Variants in STX8 observed in about 807,000 individuals in gnomAD.
STX8 encodes syntaxin-8.
In STX8, 23 loss-of-function variants were observed where a neutral mutation model predicts 37.5. The ratio of observed to expected loss-of-function variants is 0.61; its 90% CI spans 0.44 to 0.87. The LOEUF (loss-of-function observed/expected upper bound fraction) is 0.87. STX8 is among the 40% of genes least tolerant of loss of function. The pLI is 0.00. For missense variants in STX8, 313 were observed against 284.7 expected (o/e 1.10, Z -0.71); for synonymous variants, 115 against 99.1 (o/e 1.16, Z -0.95).
chr17:9,367,384 A>G (rs7209588), intron 7 of STX8, among the ~76,000 whole-genome samples: 82,236 of 151,546 alleles, frequency 0.54, 23,194 homozygotes, highest in African/African-American at 0.7. Context: ...TCCAGATCAC[A>G]ACCTTCTTGC....
intron 4 of STX8, among the ~76,000 whole-genome samples, chr17:9,534,303 A>T (rs938856454): frequency 1.3e-5 from 2 of 152,104 alleles, no homozygotes; most frequent in Non-Finnish European, 2.9e-5. Context: ...TGTGAAGAAG[A>T]CGTTACTGAA....
intron 7 of STX8, among the ~76,000 whole-genome samples, chr17:9,357,184 T>C (rs1337640460): frequency 1.3e-5 from 2 of 151,472 alleles, no homozygotes; most frequent in Non-Finnish European, 2.9e-5. Flanking sequence ...AGGCTGGCGG[T>C]CTCAAACTCC....
chr17:9,411,598 CTA>C (rs1438603554), intron 6 of STX8, among the ~76,000 whole-genome samples: 1 of 152,164 alleles, frequency 6.6e-6, no homozygotes, highest in East Asian at 1.9e-4. Context: ...CGGAAAATTC[CTA>C]TGTTACATAG....
intron 7 of STX8, among the ~76,000 whole-genome samples, chr17:9,280,936 T>A (rs777166687): frequency 4.6e-5 from 7 of 152,132 alleles, no homozygotes; most frequent in Non-Finnish European, 8.8e-5. Context: ...ATTACAAAGA[T>A]GTTGGATGCA....
intron 2 of STX8, among the ~76,000 whole-genome samples, chr17:9,564,842 T>C (rs1390048165): frequency 6.6e-6 from 1 of 152,150 alleles, no homozygotes; most frequent in Non-Finnish European, 1.5e-5. Context: ...TTCACAGAAC[T>C]AGAAAAAAGT....
At chr17:9,516,398 C>T (rs554676849) in intron 4 of STX8, among the ~76,000 whole-genome samples, 2 of 140,536 alleles carry the variant, frequency 1.4e-5, no homozygotes, top group Non-Finnish European at 3.0e-5. Flanking sequence ...AATATGGGCA[C>T]AATTTAATAC....
intron 4 of STX8, among the ~76,000 whole-genome samples, chr17:9,524,561 T>C (rs1183864400): frequency 6.6e-6 from 1 of 152,134 alleles, no homozygotes; most frequent in Admixed American, 6.5e-5. Flanking sequence ...GGTTCTAACA[T>C]ATGAATCTTG....
chr17:9,362,188 G>A (rs1019121692), intron 7 of STX8, among the ~76,000 whole-genome samples: 5 of 152,004 alleles, frequency 3.3e-5, no homozygotes, highest in East Asian at 2.0e-4. Context: ...AAAATTAGCC[G>A]GGGTGTTGGC....
chr17:9,364,207 G>A (rs1421666497), intron 7 of STX8, among the ~76,000 whole-genome samples: 1 of 152,182 alleles, frequency 6.6e-6, no homozygotes, highest in African/African-American at 2.4e-5. Flanking sequence ...AGGTCAGCGA[G>A]TCATACATTT....
At chr17:9,293,417 C>T (rs1004175809) in intron 7 of STX8, among the ~76,000 whole-genome samples, 1 of 152,020 alleles carries the variant, frequency 6.6e-6, no homozygotes, top group African/African-American at 2.4e-5. Context: ...GAAGTCATCC[C>T]CTACCTGTAA....
chr17:9,363,356 T>C (rs1487829660), intron 7 of STX8, among the ~76,000 whole-genome samples: 2 of 152,190 alleles, frequency 1.3e-5, no homozygotes, highest in South Asian at 2.1e-4. Flanking sequence ...AAAATCTATA[T>C]ATAAATAGTG....
Position 9,491,840 on chromosome 17 carries a change from T to C in STX8, c.530A>G (p.Asp177Gly), listed in dbSNP as rs1906864698. ...AGACTTATTCTTACCATTTTGTTCA[T>C]CCAATTCATTCCCAATTTCCTGCCC... ...QMGQEIGNEL[D>G]EQNEIIDDLA... Residue 177 changes from aspartate to glycine, a missense_variant, in exon 6 of 8, where the codon GAT (aspartate) becomes GGT (glycine). Transcript: ENST00000306357. 6.2e-7 allele frequency: 1 copy of C among 1,613,820 alleles called. No individual in the cohort carries two copies. Among genetic ancestry groups the C allele is most frequent in the Non-Finnish European group, 8.5e-7 (1 of 1,179,922 alleles).
chr17:9,419,154 T>G (rs1435035375), intron 6 of STX8, among the ~76,000 whole-genome samples: 1 of 152,014 alleles, frequency 6.6e-6, no homozygotes, highest in East Asian at 1.9e-4. Context: ...CCAGAACTCT[T>G]GGCCCCGAGT....
At chr17:9,353,999 A>T (rs1910797055) in intron 7 of STX8, among the ~76,000 whole-genome samples, 1 of 152,154 alleles carries the variant, frequency 6.6e-6, no homozygotes, top group Non-Finnish European at 1.5e-5. Flanking sequence ...AAAAGCACTC[A>T]CTTTTCACTT....
At chr17:9,392,309 A>T (rs1314328041) in intron 6 of STX8, among the ~76,000 whole-genome samples, 1 of 152,222 alleles carries the variant, frequency 6.6e-6, no homozygotes, top group African/African-American at 2.4e-5. Flanking sequence ...TAGTTGTTGG[A>T]GTTATCTGAC....
chr17:9,421,300 G>A (rs1218294578), intron 6 of STX8, among the ~76,000 whole-genome samples: 12 of 150,392 alleles, frequency 8.0e-5, no homozygotes, highest in Non-Finnish European at 1.5e-4. Context: ...GCTGAGGCAG[G>A]AGAATCGCTT....
At chr17:9,266,542 G>A (rs1020019125) in intron 7 of STX8, among the ~76,000 whole-genome samples, 1 of 152,164 alleles carries the variant, frequency 6.6e-6, no homozygotes, top group East Asian at 1.9e-4. Context: ...AGGTCACGGT[G>A]GTGGAAGTAG....
At position 9,267,039 on chromosome 17, in the gene STX8, T is replaced by C. The variant is rs529445082; in HGVS notation, c.644-16394A>G. Among the ~76,000 whole-genome samples, 5 of 152,260 alleles carry C rather than the reference T, an allele frequency of 3.3e-5. No individual in the cohort carries two copies. In the South Asian group the frequency reaches 1.0e-3, roughly 32 times the overall value. On this transcript the variant is annotated intron_variant, in intron 7 of 7. Coordinates refer to ENST00000306357, the MANE Select transcript of STX8 (RefSeq NM_004853.3). The stretch of plus-strand genomic sequence containing the variant: ...CCTGGCCCACTAGCTTCCAGTACTG[T>C]GTGTCACTTCCCACGTATGCGGCAA...
chr17:9,518,408 A>G (rs1287853967), intron 4 of STX8, among the ~76,000 whole-genome samples: 1 of 151,816 alleles, frequency 6.6e-6, no homozygotes, highest in East Asian at 1.9e-4. Context: ...CTTCCTCCAC[A>G]CCACTCTCTC....
Sources: gnomAD v4.1 joint callset for allele counts (sites outside exome capture counted in the v4.1 genomes callset) on GRCh38, gnomAD v4.1.1 for gene constraint, MANE v1.5 for transcripts, NCBI Gene and HGNC (gene_info 2026-07-23, HGNC 2026-07-21) for gene names.